The following SPATA6L variants were observed in gnomAD, a reference collection of about 807,000 sequenced individuals.
SPATA6L encodes the protein spermatogenesis associated 6-like protein.
A neutral mutation model predicts 49.2 loss-of-function variants in SPATA6L; 68 were observed. The observed-to-expected ratio is 1.38, with a 90% CI of 1.14 to 1.69. The LOEUF (loss-of-function observed/expected upper bound fraction) is 1.69. Among genes scored for constraint, SPATA6L ranks in the 40% most tolerant of loss-of-function variants. The pLI, the probability that SPATA6L is intolerant of heterozygous loss-of-function variation, is 0.00. For missense variants in SPATA6L, 668 were observed against 464.3 expected, an observed-to-expected ratio of 1.44 and a Z score of -4.03; for synonymous variants, 198 against 165.7, an observed-to-expected ratio of 1.19 and a Z score of -1.50.
At chr9:4,658,464 C>A (rs1241267895) in intron 2 of SPATA6L, among the ~76,000 whole-genome samples, 6 of 152,062 alleles carry the variant, frequency 3.9e-5, no homozygotes, top group Non-Finnish European at 8.8e-5. Context: ...GAATATGAAC[C>A]CAAACAACTC....
chr9:4,632,224 T>C (rs1285555218), intron 4 of SPATA6L, among the ~76,000 whole-genome samples: 1 of 151,446 alleles, frequency 6.6e-6, no homozygotes, highest in Admixed American at 6.6e-5. Context: ...TTCACTGTGC[T>C]GGCCAGGCTG....
chr9:4,640,877 T>C (rs1833886407), intron 3 of SPATA6L, among the ~76,000 whole-genome samples: 2 of 152,240 alleles, frequency 1.3e-5, no homozygotes, highest in South Asian at 4.1e-4. Context: ...ATCTTATTAA[T>C]TTTTGAGTTA....
downstream of SPATA6L, chr9:4,596,550 A>T (rs762293347): frequency 6.6e-6 from 1 of 152,208 alleles, no homozygotes; most frequent in Non-Finnish European, 1.5e-5. Flanking sequence ...AAGGAACAGG[A>T]AAGTTTATTT....
chr9:4,605,232 T>C, intron 10 of SPATA6L, 115 bp downstream of exon 10: 1 of 776,660 alleles, frequency 1.3e-6, no homozygotes. Context: ...AGCCTCACAA[T>C]TTTCCACTTA....
At chr9:4,647,116 G>A (rs1835576167) in intron 3 of SPATA6L, among the ~76,000 whole-genome samples, 3 of 150,856 alleles carry the variant, frequency 2.0e-5, no homozygotes, top group African/African-American at 2.4e-5. Context: ...AAAAAAAGAT[G>A]CAATATTTGT....
In SPATA6L at chr9:4,662,192, C is replaced by T. The variant is rs1839955872; in HGVS notation, c.40-156G>A. ...TACCTCCCAACGCCAACATCCTCCC[C>T]TCTGCTCTCCTCACATTGGAAATTC... is the stretch of plus-strand genomic sequence containing the variant. On this transcript the variant is annotated intron_variant, in intron 1 of 11. Transcript: ENST00000682582. The surrounding 1 kb of genome is among the most constrained non-coding windows in gnomAD (Gnocchi z 4.9). 2 of 1,440,116 alleles carry T rather than the reference C, an allele frequency of 1.4e-6. No homozygotes were observed. The highest frequency in any genetic ancestry group is 2.9e-5 in the South Asian group (2 of 67,880). 89.2% of individuals were successfully genotyped at this position (1,440,116 alleles called of 1,614,324 possible).
At chr9:4,597,178 C>A (rs1466933236), downstream of SPATA6L, among the ~76,000 whole-genome samples, 1 of 151,998 alleles carries the variant, frequency 6.6e-6, no homozygotes, top group Non-Finnish European at 1.5e-5. Context: ...CTCGGAGGGG[C>A]GCAGTGGCTC....
chr9:4,611,855 G>C (rs755524079), intron 9 of SPATA6L, among the ~76,000 whole-genome samples: 44 of 152,012 alleles, frequency 2.9e-4, no homozygotes, highest in Non-Finnish European at 3.4e-4. Flanking sequence ...TTTAATCCCA[G>C]TAGTTGTTGT....
chr9:4,662,355 G>A lies in SPATA6L; in HGVS notation c.40-319C>T, dbSNP rs948663822. On this transcript the variant is annotated intron_variant, in intron 1 of 11. Transcript: ENST00000682582. This position sits in a 1 kb window ranked among gnomAD's most constrained non-coding sequence, Gnocchi z 4.9. Reference sequence around the variant, plus strand: ...CTCTGTTTGGTCCGGCCAGGTCCCGGGATCCGGGCCGCCAGCTGCGATGCC... The same window carrying A: ...CTCTGTTTGGTCCGGCCAGGTCCCGAGATCCGGGCCGCCAGCTGCGATGCC... 4.7e-6 allele frequency: 7 copies of A among 1,485,972 alleles called. No individual in the cohort carries two copies. The highest frequency in any genetic ancestry group is 6.2e-6 in the Non-Finnish European group (7 of 1,125,698). The allele number at this position is 1,485,972 out of a possible 1,614,324, so 92.0% of individuals were successfully genotyped here.
chr9:4,604,229 G>A lies in SPATA6L; in HGVS notation c.1130C>T (p.Pro377Leu), dbSNP rs1340811508. 4 of 1,611,550 alleles carry A rather than the reference G, an allele frequency of 2.5e-6. No individual in the cohort carries two copies. Among genetic ancestry groups the A allele is most frequent in the African/African-American group, 2.7e-5 (2 of 74,832 alleles). ...TSEVNYIIER[P>L]SYPLKKYSLH... ...TGAGTATTTCTTCAGAGGGTAGCTTGGTCTTTCAATGATATAATTTACTTC... is the reference window on the plus strand; with the variant it reads ...TGAGTATTTCTTCAGAGGGTAGCTTAGTCTTTCAATGATATAATTTACTTC... The change falls in exon 11 of 12, where the codon CCA becomes CTA. Residue 377 changes from proline (P) to leucine (L), a missense_variant. Coordinates refer to ENST00000682582, the MANE Select transcript of SPATA6L (RefSeq NM_001353486.2).
intron 13 of SPATA6L, among the ~76,000 whole-genome samples, chr9:4,589,857 C>G (rs575073841): frequency 6.6e-6 from 1 of 152,252 alleles, no homozygotes; most frequent in South Asian, 2.1e-4. Flanking sequence ...CAATCCTAGA[C>G]TTTTAAAGTG....
intron 3 of SPATA6L, among the ~76,000 whole-genome samples, chr9:4,644,685 T>TCTCACACA (rs1438618515): frequency 1.5e-3 from 166 of 107,738 alleles, no homozygotes; most frequent in Middle Eastern, 5.2e-3. Flanking sequence ...TCTCTCTCTC[T>TCTCACACA]CACACACACA....
intron 2 of SPATA6L, among the ~76,000 whole-genome samples, chr9:4,657,005 A>G (rs1236711384): frequency 6.6e-6 from 1 of 152,238 alleles, no homozygotes; most frequent in African/African-American, 2.4e-5. Context: ...GTGTATCGTG[A>G]AGCACAAGAA....
intron 11 of SPATA6L, among the ~76,000 whole-genome samples, chr9:4,603,360 G>T (rs182018110): frequency 6.6e-6 from 1 of 152,198 alleles, no homozygotes; most frequent in Non-Finnish European, 1.5e-5. Flanking sequence ...AACCTGGGGG[G>T]TGGAGGTTGC....
At chr9:4,603,511 G>A (rs182116562) in intron 11 of SPATA6L, among the ~76,000 whole-genome samples, 83 of 152,332 alleles carry the variant, frequency 5.4e-4, no homozygotes, top group African/African-American at 1.1e-3. Flanking sequence ...GCAGCAGGGT[G>A]GAGATGGGTA....
chr9:4,625,236 C>T, intron 6 of SPATA6L, 91 bp downstream of exon 6: 1 of 1,485,982 alleles, frequency 6.7e-7, no homozygotes, highest in Non-Finnish European at 8.9e-7. Flanking sequence ...GAATATTATT[C>T]ATTTGTTGTT....
intron 1 of SPATA6L, chr9:4,663,421 GCA>G: frequency 1.3e-6 from 1 of 784,824 alleles, no homozygotes; most frequent in Admixed American, 2.6e-5. Context: ...CTAGGCTGGA[GCA>G]CACACTGGCC....
intron 4 of SPATA6L, among the ~76,000 whole-genome samples, chr9:4,630,057 G>C (rs375097733): frequency 1.6e-4 from 24 of 151,900 alleles, no homozygotes; most frequent in East Asian, 1.5e-3. Flanking sequence ...AGTCTCAAAA[G>C]GTTACAGACT....
chr9:4,636,089 T>C (rs1781796418), intron 3 of SPATA6L, among the ~76,000 whole-genome samples: 1 of 150,854 alleles, frequency 6.6e-6, no homozygotes, highest in South Asian at 2.1e-4. Context: ...ATTATATAAC[T>C]ATGTTGCATG....
Sources: allele counts gnomAD v4.1 joint callset (sites outside exome capture counted in the v4.1 genomes callset), GRCh38; gene constraint gnomAD v4.1.1; non-coding constraint Gnocchi (gnomAD v3.1); transcripts MANE v1.5; gene names NCBI Gene and HGNC (gene_info 2026-07-23, HGNC 2026-07-21).